Variants in BRME1 observed in about 807,000 individuals in gnomAD.
BRME1 encodes the protein break repair meiotic recombinase recruitment factor 1, also known as BRCA2 and MEILB2-associating protein 1.
Under a neutral mutation model 52.6 loss-of-function variants are expected in BRME1, and 31 were observed. That is an observed-to-expected ratio of 0.59 (90% CI 0.44 to 0.80). The LOEUF (loss-of-function observed/expected upper bound fraction) is 0.80. Ranked by LOEUF, BRME1 falls within the 30% of genes least tolerant of loss-of-function variation. The pLI is 0.00. For synonymous variants in BRME1, 359 were observed against 353.6 expected (o/e 1.02, Z -0.17); for missense variants, 804 against 860.3 (o/e 0.93, Z 0.82).
In BRME1 at chr19:13,889,448, G is replaced by C. The variant is rs774819622; in HGVS notation, c.1408C>G (p.Leu470Val). ...TGCGGGGACACACGGAACCCCTCGA[G>C]GTCTCGTTCGAGGTTCTGGCCACCT... is the stretch of plus-strand genomic sequence containing the variant. ...ELGGQNLERD[L>V]EGFRVSPQAS... is the part of the protein sequence containing the mutation. Residue 470 changes from leucine to valine, a missense_variant, in exon 6 of 9, where the codon CTC becomes GTC. Around this residue, in one of 3 missense-constraint regions of BRME1, gnomAD observed 552 missense variants for 561.1 expected, o/e 0.98. Coordinates refer to ENST00000586783, the MANE Select transcript of BRME1 (RefSeq NM_001345843.2). 3.1e-6 allele frequency: 5 copies of C among 1,613,966 alleles called. No homozygotes were observed. Among genetic ancestry groups the C allele is most frequent in the Non-Finnish European group, 4.2e-6 (5 of 1,180,038 alleles).
chr19:13,887,244 G>A (rs1045969018), intron 6 of BRME1, among the ~76,000 whole-genome samples: 4 of 152,172 alleles, frequency 2.6e-5, no homozygotes, highest in Non-Finnish European at 5.9e-5. Flanking sequence ...CACGGGCCTC[G>A]GCCTTCCTGC....
rs567446489 is a variant in BRME1, at chr19:13,901,101, T to C, written c.31+3761A>G. Among the ~76,000 whole-genome samples, 337 of 152,116 alleles carry C rather than the reference T, an allele frequency of 2.2e-3. 1 individual carries two copies. The highest frequency in any genetic ancestry group is 0.01 in the Middle Eastern group (3 of 294). On this transcript the variant is annotated intron_variant, in intron 2 of 8. Coordinates refer to ENST00000586783, the MANE Select transcript of BRME1 (RefSeq NM_001345843.2). ...CATCCTCCTGCCTCAATCTCCCAAG[T>C]AGCCAGGACTACAGGTAGGCACCAC...
Position 13,890,479 on chromosome 19 carries a change from ACT to A in BRME1, c.394-19_394-18del, listed in dbSNP as rs1293561121. The A allele has an allele frequency of 6.8e-7, 1 of 1,472,000 alleles. No homozygotes were observed. The highest frequency in any genetic ancestry group is 2.4e-5 in the East Asian group (1 of 41,904). 91.2% of individuals were successfully genotyped at this position (1,472,000 alleles called of 1,614,324 possible). Reference sequence around the variant, plus strand: ...GATTGTTTCCTGTGGACAGAAAAAGACTCAGCCCCGGGGCCTTTGATAACCAA... The same window carrying A: ...GATTGTTTCCTGTGGACAGAAAAAGACAGCCCCGGGGCCTTTGATAACCAA... On this transcript the variant is annotated intron_variant, in intron 5 of 8. Transcript: ENST00000586783.
rs1969210247 is a variant in BRME1, at chr19:13,888,610, C to T, written c.1668+578G>A. Among the ~76,000 whole-genome samples the T allele has an allele frequency of 6.6e-6, 1 of 152,248 alleles. No homozygotes were observed. Among genetic ancestry groups the T allele is most frequent in the African/African-American group, 2.4e-5 (1 of 41,472 alleles). On this transcript the variant is annotated intron_variant, in intron 6 of 8. Coordinates refer to ENST00000586783, the MANE Select transcript of BRME1 (RefSeq NM_001345843.2). The surrounding 1 kb of genome is among the most constrained non-coding windows in gnomAD (Gnocchi z 4.1). Reference sequence around the variant, plus strand: ...CCAGAGGAGGCCACATCCGGGCAGCCGGTGGGGCGGGCAGATCCCTGAAGG... The same window carrying T: ...CCAGAGGAGGCCACATCCGGGCAGCTGGTGGGGCGGGCAGATCCCTGAAGG...
Position 13,889,145 on chromosome 19 carries a change from C to G in BRME1, c.1668+43G>C, listed in dbSNP as rs769295047. 1.5e-5 allele frequency: 23 copies of G among 1,507,802 alleles called. No individual in the cohort carries two copies. The South Asian group carries it at 2.8e-4, about 18-fold the overall frequency. 93.4% of individuals were successfully genotyped at this position (1,507,802 alleles called of 1,614,324 possible). ...GGAGGGGGCTTGTGGAGGTTGGGTG[C>G]CTGCCCTGGGCAGGTATGTCTGTCA... is the stretch of plus-strand genomic sequence containing the variant. On this transcript the variant is annotated intron_variant, in intron 6 of 8. Coordinates refer to ENST00000586783, the MANE Select transcript of BRME1 (RefSeq NM_001345843.2).
At chr19:13,893,779 T>C (rs1969687950) in intron 3 of BRME1, among the ~76,000 whole-genome samples, 1 of 151,824 alleles carries the variant, frequency 6.6e-6, no homozygotes, top group South Asian at 2.1e-4. Flanking sequence ...TAGCTGGACG[T>C]GGTGATGTGT....
Position 13,893,133 on chromosome 19 carries a change from C to T in BRME1, c.288+9G>A, listed in dbSNP as rs757990413. 4.8e-5 allele frequency: 77 copies of T among 1,593,156 alleles called. No individual in the cohort carries two copies. Among genetic ancestry groups the T allele is most frequent in the Non-Finnish European group, 5.8e-5 (68 of 1,170,246 alleles). On this transcript the variant is annotated intron_variant, in intron 4 of 8. Transcript: ENST00000586783. ...CTTCTATATCCACGAGGCCACAGGA[C>T]GAGCTCACCTGGGAAGGAGGAAGGG...
At chr19:13,886,173 G>A (rs956375740) in intron 6 of BRME1, 118 bp from the exon 7 acceptor site, 23 of 744,562 alleles carry the variant, frequency 3.1e-5, no homozygotes, top group South Asian at 8.6e-5. Flanking sequence ...AGGTCACATC[G>A]GGGCTGGCTG....
chr19:13,890,114 C>T lies in BRME1; in HGVS notation c.742G>A (p.Asp248Asn). 6.2e-7 allele frequency: 1 copy of T among 1,614,158 alleles called. No individual in the cohort carries two copies. Among genetic ancestry groups the T allele is most frequent in the East Asian group, 2.2e-5 (1 of 44,882 alleles). Reference protein sequence around the residue: ...PSIDSEGEKPDRGAPQEGGAQ... With the variant: ...PSIDSEGEKPNRGAPQEGGAQ... ...CCTCCCTCCTGGGGGGCTCCTCTGT[C>T]TGGCTTCTCCCCTTCAGAATCAATG... is the stretch of plus-strand genomic sequence containing the variant. Residue 248 changes from aspartate (D) to asparagine (N), a missense_variant, in exon 6 of 9, where the codon GAC becomes AAC. Around this residue, in one of 3 missense-constraint regions of BRME1, gnomAD observed 552 missense variants for 561.1 expected, o/e 0.98. Transcript: ENST00000586783.
intron 2 of BRME1, among the ~76,000 whole-genome samples, chr19:13,898,800 G>A (rs1970089425): frequency 6.6e-6 from 1 of 151,310 alleles, no homozygotes; most frequent in Non-Finnish European, 1.5e-5. Flanking sequence ...GCTCATGCCT[G>A]TAATCTCAGC....
At chr19:13,895,041 G>A (rs2145187634) in intron 3 of BRME1, among the ~76,000 whole-genome samples, 1 of 152,120 alleles carries the variant, frequency 6.6e-6, no homozygotes, top group Non-Finnish European at 1.5e-5. Context: ...ACCACACCCA[G>A]CTAATTTTTG....
intron 5 of BRME1, among the ~76,000 whole-genome samples, chr19:13,891,712 T>G (rs1192412630): frequency 1.4e-5 from 2 of 145,278 alleles, no homozygotes; most frequent in East Asian, 4.3e-4. Context: ...CAAGTGATCC[T>G]CCTGCCTCGG....
intron 2 of BRME1, among the ~76,000 whole-genome samples, chr19:13,896,588 A>G (rs1969913839): frequency 6.8e-6 from 1 of 147,646 alleles, no homozygotes; most frequent in East Asian, 1.9e-4. Flanking sequence ...AGCCTCAGCC[A>G]AATATGTAAA....
Position 13,890,401 on chromosome 19 carries a change from C to T in BRME1, c.455G>A (p.Gly152Glu), listed in dbSNP as rs1355294556. 4 of 1,524,714 alleles carry T rather than the reference C, an allele frequency of 2.6e-6. No individual in the cohort carries two copies. Among genetic ancestry groups the T allele is most frequent in the Non-Finnish European group, 3.5e-6 (4 of 1,143,632 alleles). The allele number at this position is 1,524,714 out of a possible 1,614,324, so 94.4% of individuals were successfully genotyped here. ...CTCCGTGGCCTCCTGGAGGGGGACCCCCAGGGTCTCCACTAGCAGCTGGCA... is the reference window on the plus strand; with the variant it reads ...CTCCGTGGCCTCCTGGAGGGGGACCTCCAGGGTCTCCACTAGCAGCTGGCA... The part of the protein sequence containing the change: ...PGCQLLVETL[G>E]VPLQEATELG... Residue 152 changes from glycine to glutamate, a missense_variant, in exon 6 of 9, where the codon GGG (glycine) becomes GAG (glutamate). Coordinates refer to ENST00000586783, the MANE Select transcript of BRME1 (RefSeq NM_001345843.2).
chr19:13,893,297 G>T, intron 3 of BRME1, 74 bp from the exon 4 acceptor site: 1 of 1,325,272 alleles, frequency 7.5e-7, no homozygotes, highest in South Asian at 1.3e-5. Flanking sequence ...GCAGCACTTT[G>T]GGCGGCTGAG....
At chr19:13,900,929 C>A (rs1157744154) in intron 2 of BRME1, among the ~76,000 whole-genome samples, 2 of 152,022 alleles carry the variant, frequency 1.3e-5, no homozygotes, top group Non-Finnish European at 2.9e-5. Flanking sequence ...CCTGCCTCGG[C>A]CTCCCAAAGT....
intron 2 of BRME1, among the ~76,000 whole-genome samples, chr19:13,900,892 G>A (rs933673931): frequency 5.3e-5 from 8 of 151,996 alleles, no homozygotes; most frequent in Non-Finnish European, 1.0e-4. Flanking sequence ...GGTTGGTCTC[G>A]AACCCTGACC....
Position 13,883,590 on chromosome 19 carries a change from G to A in BRME1, c.1764-190C>T, listed in dbSNP as rs1035751430. On this transcript the variant is annotated intron_variant, in intron 7 of 8. Coordinates refer to ENST00000586783, the MANE Select transcript of BRME1 (RefSeq NM_001345843.2). The surrounding 1 kb of genome is among the most constrained non-coding windows in gnomAD (Gnocchi z 4.2). Reference sequence around the variant, plus strand: ...TGCCCAGCAGGCCCAGAACCCAACCGCTTCTCCCCTACCTGCCCTGCCCTC... The same window carrying A: ...TGCCCAGCAGGCCCAGAACCCAACCACTTCTCCCCTACCTGCCCTGCCCTC... 2 of 551,236 alleles carry A rather than the reference G, an allele frequency of 3.6e-6. No individual in the cohort carries two copies. Among genetic ancestry groups the A allele is most frequent in the South Asian group, 2.2e-5 (1 of 44,780 alleles). 34.1% of individuals were successfully genotyped at this position (551,236 alleles called of 1,614,324 possible).
intron 2 of BRME1, among the ~76,000 whole-genome samples, chr19:13,903,468 T>A (rs1599360981): frequency 6.6e-6 from 1 of 151,676 alleles, no homozygotes; most frequent in Non-Finnish European, 1.5e-5. Context: ...AGGTCAGGAG[T>A]TTGAGACCAG....
Sources: allele counts gnomAD v4.1 joint callset (sites outside exome capture counted in the v4.1 genomes callset), GRCh38; gene constraint gnomAD v4.1.1; regional missense constraint gnomAD v4.1.1; non-coding constraint Gnocchi (gnomAD v3.1); transcripts MANE v1.5; gene names NCBI Gene and HGNC (gene_info 2026-07-23, HGNC 2026-07-21).